The following CAMK4 variants were observed in gnomAD, a reference collection of about 807,000 sequenced individuals.
The protein encoded by CAMK4 is calcium/calmodulin-dependent protein kinase type IV.
Under a neutral mutation model 44.9 loss-of-function variants are expected in CAMK4, and 22 were observed. That is an observed-to-expected ratio of 0.49 (90% CI 0.35 to 0.70). CAMK4 has a LOEUF of 0.70. Ranked by LOEUF, CAMK4 falls within the 30% of genes least tolerant of loss-of-function variation. CAMK4 has a pLI of 0.01. For synonymous variants in CAMK4, 218 were observed against 215.4 expected (o/e 1.01, Z -0.11); for missense variants, 498 against 586.8 (o/e 0.85, Z 1.56).
intron 2 of CAMK4, among the ~76,000 whole-genome samples, chr5:111,350,853 C>G (rs1344971407): frequency 6.6e-6 from 1 of 151,954 alleles, no homozygotes; most frequent in Non-Finnish European, 1.5e-5. Context: ...TTTTTAACTT[C>G]CATTTATTTG....
At chr5:111,240,267 G>A (rs1385395207) in intron 1 of CAMK4, among the ~76,000 whole-genome samples, 2 of 150,788 alleles carry the variant, frequency 1.3e-5, no homozygotes, top group Non-Finnish European at 2.9e-5. Context: ...CAACTTACCT[G>A]TGATTTAGAA....
chr5:111,489,783 T>G lies in CAMK4; in HGVS notation c.*5317T>G, dbSNP rs957711396. 1.3e-5 allele frequency: 2 copies of G among 152,224 alleles called. No homozygotes were observed. Among genetic ancestry groups the G allele is most frequent in the African/African-American group, 4.8e-5 (2 of 41,454 alleles). The allele number at this position is 152,224 out of a possible 1,614,324, so 9.4% of individuals were successfully genotyped here. ...TTGAATATTGGTATATTGTCATTGG[T>G]CAGTAATGGAAAAATGAGATTCCAC... On this transcript the variant is annotated 3_prime_UTR_variant, in exon 11 of 11. Coordinates refer to ENST00000282356, the MANE Select transcript of CAMK4 (RefSeq NM_001744.6).
chr5:111,473,545 G>A (rs1005639270), intron 8 of CAMK4, among the ~76,000 whole-genome samples, 159 bp downstream of exon 8: 5 of 152,148 alleles, frequency 3.3e-5, no homozygotes, highest in Admixed American at 2.6e-4. Context: ...TCCTGAAAAT[G>A]AACATTGCTT....
intron 1 of CAMK4, among the ~76,000 whole-genome samples, chr5:111,326,256 G>A (rs1748882876): frequency 6.6e-6 from 1 of 151,752 alleles, no homozygotes; most frequent in Non-Finnish European, 1.5e-5. Context: ...TCCAATATTA[G>A]GGATAAAAGG....
chr5:111,329,138 T>C (rs432970), intron 1 of CAMK4, among the ~76,000 whole-genome samples: 139,308 of 151,976 alleles, frequency 0.92, 63,957 homozygotes, highest in East Asian at 1. Flanking sequence ...ACATGATTAT[T>C]TCAGTAGATG....
chr5:111,286,686 C>G (rs1751250454), intron 1 of CAMK4, among the ~76,000 whole-genome samples: 1 of 152,056 alleles, frequency 6.6e-6, no homozygotes, highest in Non-Finnish European at 1.5e-5. Flanking sequence ...GCTATAAAGA[C>G]TTTATTAAAT....
At chr5:111,478,333 T>A in intron 8 of CAMK4, 48 bp from the exon 9 acceptor site, 1 of 1,244,030 alleles carries the variant, frequency 8.0e-7, no homozygotes, top group Non-Finnish European at 1.1e-6. Flanking sequence ...GGATGAAATA[T>A]ACTTGAGCTT....
chr5:111,348,717 G>C (rs1435252381), intron 2 of CAMK4, among the ~76,000 whole-genome samples: 1 of 152,086 alleles, frequency 6.6e-6, no homozygotes, highest in East Asian at 1.9e-4. Context: ...AATTATTGTA[G>C]TATATTATTA....
rs1343928672 is a variant in CAMK4, at chr5:111,224,436, G to GGCA, written c.-45_-43dup. ...CGGCTGGCGGCCGGCTTCTCGCTCG[G>GGCA]GCAGCGGCGGCGGCGGCGGCGGCGG... is the stretch of plus-strand genomic sequence containing the variant. On this transcript the variant is annotated 5_prime_UTR_variant, in exon 1 of 11. Coordinates refer to ENST00000282356, the MANE Select transcript of CAMK4 (RefSeq NM_001744.6). The surrounding 1 kb of genome is among the most constrained non-coding windows in gnomAD (Gnocchi z 5.7). 2 of 1,538,834 alleles carry GGCA rather than the reference G, an allele frequency of 1.3e-6. No homozygotes were observed. The highest frequency in any genetic ancestry group is 4.0e-5 in the Admixed American group (2 of 50,434).
At chr5:111,453,509 A>G (rs1390896584) in intron 7 of CAMK4, among the ~76,000 whole-genome samples, 1 of 152,168 alleles carries the variant, frequency 6.6e-6, no homozygotes, top group Non-Finnish European at 1.5e-5. Flanking sequence ...CTGTCCATTT[A>G]TAGAAGGAGT....
chr5:111,313,080 A>G (rs567796012), intron 1 of CAMK4, among the ~76,000 whole-genome samples: 8 of 152,252 alleles, frequency 5.3e-5, no homozygotes, highest in South Asian at 2.1e-4. Context: ...TAAATTGGGT[A>G]GGTCTCAACT....
intron 1 of CAMK4, among the ~76,000 whole-genome samples, chr5:111,321,785 T>A (rs1174335521): frequency 1.3e-5 from 2 of 152,192 alleles, no homozygotes; most frequent in Admixed American, 6.6e-5. Flanking sequence ...CAATAACAGA[T>A]GCTGTTGATG....
At chr5:111,279,257 A>G (rs528593317) in intron 1 of CAMK4, among the ~76,000 whole-genome samples, 47 of 152,316 alleles carry the variant, frequency 3.1e-4, no homozygotes, top group African/African-American at 1.1e-3. Context: ...GCCAGGCCAA[A>G]GTTCAAAGGG....
At chr5:111,381,114 T>C (rs1455286412) in intron 4 of CAMK4, among the ~76,000 whole-genome samples, 1 of 152,172 alleles carries the variant, frequency 6.6e-6, no homozygotes, top group Admixed American at 6.6e-5. Context: ...CAGAAGGAAA[T>C]CAGAGGCATC....
At chr5:111,348,004 G>A (rs187194066) in intron 2 of CAMK4, among the ~76,000 whole-genome samples, 10 of 152,022 alleles carry the variant, frequency 6.6e-5, no homozygotes, top group South Asian at 2.1e-4. Flanking sequence ...TTTTAAGTCC[G>A]AGAAAGATTT....
chr5:111,358,695 ATTTTTT>A (rs1750476122), intron 2 of CAMK4, among the ~76,000 whole-genome samples: 1 of 151,446 alleles, frequency 6.6e-6, no homozygotes. Context: ...CTCAATAGTT[ATTTTTT>A]CTGCTCCTCT....
chr5:111,335,423 A>G lies in CAMK4; in HGVS notation c.162-8601A>G, dbSNP rs1484618413. 9.9e-5 allele frequency among the ~76,000 whole-genome samples: 15 copies of G among 151,440 alleles called. No homozygotes were observed. In the Admixed American group the frequency reaches 9.9e-4, roughly 10 times the overall value. ...GTATCTGTCTCTCAGCTAGTGGGTG[A>G]ATAGTTATGTCAACACTCCTGCATT... On this transcript the variant is annotated intron_variant, in intron 1 of 10. Coordinates refer to ENST00000282356, the MANE Select transcript of CAMK4 (RefSeq NM_001744.6).
chr5:111,315,909 A>G (rs181574543), intron 1 of CAMK4, among the ~76,000 whole-genome samples: 1 of 152,230 alleles, frequency 6.6e-6, no homozygotes, highest in African/African-American at 2.4e-5. Flanking sequence ...CAGGTTGGAA[A>G]TCTAGGATTG....
intron 1 of CAMK4, among the ~76,000 whole-genome samples, chr5:111,270,964 G>A (rs1750485745): frequency 6.6e-6 from 1 of 152,192 alleles, no homozygotes; most frequent in Non-Finnish European, 1.5e-5. Context: ...GGGGAAACTG[G>A]CACCTTCTTC....
Sources: gnomAD v4.1 joint callset for allele counts (sites outside exome capture counted in the v4.1 genomes callset) on GRCh38, gnomAD v4.1.1 for gene constraint, Gnocchi (gnomAD v3.1) non-coding constraint, MANE v1.5 for transcripts, NCBI Gene and HGNC (gene_info 2026-07-23, HGNC 2026-07-21) for gene names.